Variants in DLG2 observed in about 807,000 individuals in gnomAD.
The protein encoded by DLG2 is disks large homolog 2.
Under a neutral mutation model 132.5 loss-of-function variants are expected in DLG2, and 45 were observed. The ratio of observed to expected loss-of-function variants is 0.34; its 90% CI spans 0.27 to 0.44. The LOEUF is 0.44. DLG2 is among the 20% of genes least tolerant of loss of function. DLG2 has a pLI of 1.00. For synonymous variants in DLG2, 424 were observed against 419.6 expected (o/e 1.01, Z -0.13); for missense variants, 1,045 against 1,196.9 (o/e 0.87, Z 1.87).
chr11:85,200,754 C>A (rs1430834466), intron 4 of DLG2, among the ~76,000 whole-genome samples: 1 of 152,098 alleles, frequency 6.6e-6, no homozygotes, highest in African/African-American at 2.4e-5. Flanking sequence ...GAGAAGGGTT[C>A]TCCAGCTTCC....
intron 6 of DLG2, among the ~76,000 whole-genome samples, chr11:84,596,653 T>A (rs2099559471): frequency 6.6e-6 from 1 of 152,062 alleles, no homozygotes; most frequent in Non-Finnish European, 1.5e-5. Flanking sequence ...GTGTATGTAG[T>A]CATTTGTGGG....
chr11:85,392,723 G>A (rs915175909), intron 3 of DLG2, among the ~76,000 whole-genome samples: 2 of 152,106 alleles, frequency 1.3e-5, no homozygotes, highest in Admixed American at 1.3e-4. Context: ...AGTGGGAAAA[G>A]GACACCCTAT....
intron 6 of DLG2, among the ~76,000 whole-genome samples, chr11:85,004,797 G>T (rs1225116512): frequency 6.6e-6 from 1 of 151,970 alleles, no homozygotes. Context: ...TGAAATCTTT[G>T]CCCATGCCTA....
intron 7 of DLG2, among the ~76,000 whole-genome samples, chr11:84,498,819 T>C (rs946654655): frequency 6.6e-6 from 1 of 152,216 alleles, no homozygotes; most frequent in African/African-American, 2.4e-5. Flanking sequence ...AAAAACTTAT[T>C]TGTAACAAAA....
intron 7 of DLG2, among the ~76,000 whole-genome samples, chr11:84,420,237 A>T (rs2098943987): frequency 6.6e-6 from 1 of 152,228 alleles, no homozygotes; most frequent in Admixed American, 6.5e-5. Flanking sequence ...ACCATAATAT[A>T]GCTGAAAACG....
intron 3 of DLG2, among the ~76,000 whole-genome samples, chr11:85,477,157 T>C (rs1242705588): frequency 6.6e-6 from 1 of 152,170 alleles, no homozygotes; most frequent in Non-Finnish European, 1.5e-5. Context: ...AAAACGTCAT[T>C]ATGGAGCACA....
chr11:84,456,250 A>G (rs563286288), intron 7 of DLG2, among the ~76,000 whole-genome samples: 1 of 151,462 alleles, frequency 6.6e-6, no homozygotes, highest in South Asian at 2.1e-4. Context: ...GTAGCTATGC[A>G]AGGAAGTAAT....
chr11:85,320,938 T>A (rs500307), intron 3 of DLG2, among the ~76,000 whole-genome samples: 3 of 151,568 alleles, frequency 2.0e-5, no homozygotes, highest in African/African-American at 7.3e-5. Context: ...TCAATGGAAG[T>A]TTTCGAATAG....
In DLG2 at chr11:83,802,757, G is replaced by C. The variant is rs181445190; in HGVS notation, c.1723-15965C>G. Among the ~76,000 whole-genome samples, 809 of 152,146 alleles carry C rather than the reference G, an allele frequency of 5.3e-3. 10 individuals are homozygous for C. Among genetic ancestry groups the C allele is most frequent in the African/African-American group, 0.018 (766 of 41,532 alleles). ...CTATTGCTAAATTAAAGAAAAGCAA[G>C]CTGTAGAACTATATGTGTATCTAGT... On this transcript the variant is annotated intron_variant, in intron 17 of 27. Coordinates refer to ENST00000376104, the MANE Select transcript of DLG2 (RefSeq NM_001142699.3).
chr11:84,816,633 CTGT>C (rs2077112302), intron 6 of DLG2, among the ~76,000 whole-genome samples: 3 of 151,822 alleles, frequency 2.0e-5, no homozygotes, highest in Admixed American at 2.0e-4. Context: ...TGCAAGAAAG[CTGT>C]TATTACCCTC....
At chr11:83,640,894 TG>T (rs1403573330) in intron 18 of DLG2, among the ~76,000 whole-genome samples, 1 of 152,132 alleles carries the variant, frequency 6.6e-6, no homozygotes, top group African/African-American at 2.4e-5. Flanking sequence ...AAGAGCAACT[TG>T]GGGTTCAAAG....
chr11:85,264,890 T>A (rs1327067545), intron 4 of DLG2, among the ~76,000 whole-genome samples: 1 of 152,224 alleles, frequency 6.6e-6, no homozygotes, highest in Non-Finnish European at 1.5e-5. Flanking sequence ...GTTCATACTA[T>A]CTAAATCCTT....
At chr11:83,520,660 T>TAGATAGATAGATAGATAGAG (rs2095446703) in intron 21 of DLG2, among the ~76,000 whole-genome samples, 1 of 147,826 alleles carries the variant, frequency 6.8e-6, no homozygotes, top group African/African-American at 2.5e-5. Context: ...GATAGATAGA[T>TAGATAGATAGATAGATAGAG]AGATAGAAAG....
chr11:84,609,523 C>G lies in DLG2; in HGVS notation c.358-74792G>C, dbSNP rs188670756. ...CTGATGAACTCCAGTTAAGGTCAACCCAAGCCAATGGAAACCTTGGGAAAG... is the reference window on the plus strand; with the variant it reads ...CTGATGAACTCCAGTTAAGGTCAACGCAAGCCAATGGAAACCTTGGGAAAG... On this transcript the variant is annotated intron_variant, in intron 6 of 27. Transcript: ENST00000376104. 4.5e-4 allele frequency among the ~76,000 whole-genome samples: 68 copies of G among 152,106 alleles called. 1 individual carries two copies. The South Asian group carries it at 0.013, about 29-fold the overall frequency.
chr11:84,050,210 G>C (rs1036754719), intron 11 of DLG2, among the ~76,000 whole-genome samples: 1 of 149,686 alleles, frequency 6.7e-6, no homozygotes, highest in Non-Finnish European at 1.5e-5. Context: ...ATTTTTGGAA[G>C]ATTGGTATAG....
rs112785818 is a variant in DLG2, at chr11:85,195,587, A to T, written c.187-40936T>A. Among the ~76,000 whole-genome samples the T allele has an allele frequency of 2.6e-3, 382 of 147,230 alleles. 4 individuals carry two copies. The highest frequency in any genetic ancestry group is 9.3e-3 in the African/African-American group (369 of 39,736). On this transcript the variant is annotated intron_variant, in intron 4 of 27. Transcript: ENST00000376104. ...GGCCCAGGCGGGAGTGCAGTGGCGC[A>T]ATCTCGGCTCACTGCAAGCTCCGCC... is the stretch of plus-strand genomic sequence containing the variant.
Position 83,518,585 on chromosome 11 carries a change from T to A in DLG2, c.2193+14123A>T, listed in dbSNP as rs1158591057. Among the ~76,000 whole-genome samples the A allele has an allele frequency of 1.3e-5, 2 of 152,128 alleles. 1 individual carries two copies. The highest frequency in any genetic ancestry group is 4.1e-4 in the South Asian group (2 of 4,824). On this transcript the variant is annotated intron_variant, in intron 21 of 27. Transcript: ENST00000376104. ...AGTGAGATGAACCCAGTACCTCAGTTGGAAATGCAGAAGTGATTTGTCTTC... is the reference window on the plus strand; with the variant it reads ...AGTGAGATGAACCCAGTACCTCAGTAGGAAATGCAGAAGTGATTTGTCTTC...
At chr11:84,797,950 A>G (rs2074869859) in intron 6 of DLG2, among the ~76,000 whole-genome samples, 1 of 152,172 alleles carries the variant, frequency 6.6e-6, no homozygotes, top group Admixed American at 6.5e-5. Flanking sequence ...GTGGTCTTGG[A>G]TAAAATTCAG....
chr11:83,659,366 G>A (rs1454740327), intron 18 of DLG2, among the ~76,000 whole-genome samples: 2 of 152,154 alleles, frequency 1.3e-5, no homozygotes, highest in African/African-American at 4.8e-5. Context: ...CAGAGCATCT[G>A]CAGGAGTCCA....
Sources: gnomAD v4.1 joint callset for allele counts (sites outside exome capture counted in the v4.1 genomes callset) on GRCh38, gnomAD v4.1.1 for gene constraint, MANE v1.5 for transcripts, NCBI Gene and HGNC (gene_info 2026-07-23, HGNC 2026-07-21) for gene names.